Variants in FXYD4 observed in about 807,000 individuals in gnomAD.
The protein encoded by FXYD4 is FXYD domain-containing ion transport regulator 4.
FXYD4 carries 14 observed loss-of-function variants against 18.3 expected under a neutral mutation model. That is an observed-to-expected ratio of 0.77 (90% CI 0.51 to 1.20). The LOEUF (loss-of-function observed/expected upper bound fraction) is 1.20. FXYD4 is among the 50% of genes most tolerant of loss of function. The pLI is 0.00. For synonymous variants in FXYD4, 40 were observed against 40.5 expected, an observed-to-expected ratio of 0.99 and a Z score of 0.04; for missense variants, 99 against 106.1, an observed-to-expected ratio of 0.93 and a Z score of 0.29.
chr10:43,373,342 A>G (rs1247837997), intron 2 of FXYD4, 173 bp from the exon 3 acceptor site: 1 of 174,170 alleles, frequency 5.7e-6, no homozygotes, highest in Non-Finnish European at 1.2e-5. Flanking sequence ...TCTAAGCTCC[A>G]TTTTTTTTTT....
rs1837860708 is a variant in FXYD4, at chr10:43,375,592, G to A, written c.172+19G>A. 1.2e-6 allele frequency: 2 copies of A among 1,611,216 alleles called. No individual in the cohort carries two copies. The highest frequency in any genetic ancestry group is 1.7e-6 in the Non-Finnish European group (2 of 1,177,574). ...GTTCTGAGTGAGTGGCAGGACAGGT[G>A]GGGCTGGAGGACAGGGTGGGGCTGG... On this transcript the variant is annotated intron_variant, in intron 6 of 8. Transcript: ENST00000476166.
chr10:43,375,421 C>A, intron 5 of FXYD4, 78 bp from the exon 6 acceptor site: 1 of 1,087,806 alleles, frequency 9.2e-7, no homozygotes. Context: ...CTGGCACAAG[C>A]AGGGGCTCAG....
chr10:43,376,322 C>T lies in FXYD4; in HGVS notation c.*156C>T. ...AGGCTTCTTTATGAATTAAACTCGCCCCACCACCCCCTCCTCGGTAGTCTT... is the reference window on the plus strand; with the variant it reads ...AGGCTTCTTTATGAATTAAACTCGCTCCACCACCCCCTCCTCGGTAGTCTT... On this transcript the variant is annotated 3_prime_UTR_variant, in exon 9 of 9. Coordinates refer to ENST00000476166, the MANE Select transcript of FXYD4 (RefSeq NM_173160.3). 1.4e-6 allele frequency: 1 copy of T among 713,038 alleles called. No homozygotes were observed. Among genetic ancestry groups the T allele is most frequent in the Non-Finnish European group, 2.4e-6 (1 of 411,906 alleles). 44.2% of individuals were successfully genotyped at this position (713,038 alleles called of 1,614,324 possible).
chr10:43,374,045 G>A lies in FXYD4; in HGVS notation c.37+262G>A, dbSNP rs188510676. On this transcript the variant is annotated intron_variant, in intron 3 of 8. Coordinates refer to ENST00000476166, the MANE Select transcript of FXYD4 (RefSeq NM_173160.3). Reference sequence around the variant, plus strand: ...GAAGACAAAAGCAGGGTGGCACAGCGGCTCAGGCCTGTAATCCCAGTGTTT... The same window carrying A: ...GAAGACAAAAGCAGGGTGGCACAGCAGCTCAGGCCTGTAATCCCAGTGTTT... 8.5e-5 allele frequency among the ~76,000 whole-genome samples: 13 copies of A among 152,312 alleles called. No individual in the cohort carries two copies. In the East Asian group the frequency reaches 1.7e-3, roughly 20 times the overall value.
intron 1 of FXYD4, among the ~76,000 whole-genome samples, chr10:43,372,289 T>C (rs1208604638): frequency 1.3e-5 from 2 of 151,970 alleles, no homozygotes; most frequent in African/African-American, 4.8e-5. Context: ...TGGATGTATT[T>C]ATTTATTTAT....
At chr10:43,373,861 T>G in intron 3 of FXYD4, 78 bp downstream of exon 3, 1 of 934,032 alleles carries the variant, frequency 1.1e-6, no homozygotes, top group Non-Finnish European at 1.8e-6. Flanking sequence ...CAACATCTCC[T>G]TTGGGAGTCT....
chr10:43,374,468 A>T lies in FXYD4; in HGVS notation c.38-2A>T. 1.2e-6 allele frequency: 2 copies of T among 1,614,000 alleles called. No individual in the cohort carries two copies. The highest frequency in any genetic ancestry group is 1.7e-6 in the Non-Finnish European group (2 of 1,179,914). ...CACATTTTCTCTGCTCCTCCCACAC[A>T]GGCCTGACTGCCTTGGAAGCCAATG... On this transcript the variant is annotated splice_acceptor_variant, in intron 3 of 8. Coordinates refer to ENST00000476166, the MANE Select transcript of FXYD4 (RefSeq NM_173160.3). LOFTEE classifies it high-confidence loss of function.
chr10:43,376,089 G>T lies in FXYD4; in HGVS notation c.250+20G>T, dbSNP rs1406749137. On this transcript the variant is annotated intron_variant, in intron 8 of 8. Transcript: ENST00000476166. ...CTCCAGGTGAGACGGGCTTCTGTGG[G>T]CTGAGGGGGTGTCTGTGTAAGGACT... 1.9e-6 allele frequency: 3 copies of T among 1,614,092 alleles called. No individual in the cohort carries two copies. The African/African-American group carries it at 4.0e-5, about 22-fold the overall frequency.
At position 43,376,237 on chromosome 10, in the gene FXYD4, CTTAT is replaced by C; in HGVS notation, c.*72_*75del. 6.5e-7 allele frequency: 1 copy of C among 1,529,012 alleles called. No individual in the cohort carries two copies. The highest frequency in any genetic ancestry group is 9.0e-7 in the Non-Finnish European group (1 of 1,105,212). 94.7% of individuals were successfully genotyped at this position (1,529,012 alleles called of 1,614,324 possible). On this transcript the variant is annotated 3_prime_UTR_variant, in exon 9 of 9. Coordinates refer to ENST00000476166, the MANE Select transcript of FXYD4 (RefSeq NM_173160.3). Reference sequence around the variant, plus strand: ...CCCAGCACCTCCTCCCCTGGGAGGCCTTATCCTCAAGGAAGGACTTCTCTCCAAG... The same window carrying C: ...CCCAGCACCTCCTCCCCTGGGAGGCCCCTCAAGGAAGGACTTCTCTCCAAG...
intron 5 of FXYD4, 140 bp from the exon 6 acceptor site, chr10:43,375,359 G>C (rs1220858658): frequency 6.0e-6 from 4 of 664,576 alleles, no homozygotes; most frequent in Non-Finnish European, 1.1e-5. Context: ...TTCCCCACGA[G>C]ACGCAGAATG....
intron 2 of FXYD4, among the ~76,000 whole-genome samples, chr10:43,373,269 G>T (rs536043457): frequency 7.2e-5 from 11 of 152,134 alleles, no homozygotes; most frequent in Non-Finnish European, 1.2e-4. Context: ...GGGTTAGGAA[G>T]GCAGGCTCCA....
Position 43,375,372 on chromosome 10 carries a change from G to A in FXYD4, c.98-127G>A, listed in dbSNP as rs113807369. 4,496 of 704,172 alleles carry A rather than the reference G, an allele frequency of 6.4e-3. 28 individuals carry two copies. Among genetic ancestry groups the A allele is most frequent in the Non-Finnish European group, 8.5e-3 (3,357 of 395,916 alleles). The allele number at this position is 704,172 out of a possible 1,614,324, so 43.6% of individuals were successfully genotyped here. ...GTTTCCCCACGAGACGCAGAATGAT[G>A]CCTCTGTTGCTGGCTTGTCTTTATG... is the stretch of plus-strand genomic sequence containing the variant. On this transcript the variant is annotated intron_variant, in intron 5 of 8. Transcript: ENST00000476166.
rs368371773 is a variant in FXYD4, at chr10:43,375,952, C to T, written c.213-80C>T. 4.3e-5 allele frequency: 64 copies of T among 1,475,226 alleles called. 2 individuals are homozygous for T. In the East Asian group the frequency reaches 6.6e-4, roughly 15 times the overall value. The allele number at this position is 1,475,226 out of a possible 1,614,324, so 91.4% of individuals were successfully genotyped here. On this transcript the variant is annotated intron_variant, in intron 7 of 8. Coordinates refer to ENST00000476166, the MANE Select transcript of FXYD4 (RefSeq NM_173160.3). Reference sequence around the variant, plus strand: ...GAGCAAGGACTTGCACTCCTGGGGCCGGGCAGCAAGAGTCTGGGATATAGG... The same window carrying T: ...GAGCAAGGACTTGCACTCCTGGGGCTGGGCAGCAAGAGTCTGGGATATAGG...
chr10:43,375,779 C>T (rs978720610), intron 7 of FXYD4, 45 bp downstream of exon 7: 29 of 1,588,328 alleles, frequency 1.8e-5, no homozygotes, highest in Admixed American at 6.7e-5. Context: ...GGCAGAACTA[C>T]GGGGGGACAG....
intron 1 of FXYD4, 82 bp from the exon 2 acceptor site, chr10:43,372,645 G>C (rs951152405): frequency 2.6e-5 from 4 of 152,216 alleles, no homozygotes; most frequent in South Asian, 2.1e-4. Flanking sequence ...ATAGTTCTTA[G>C]GCTTGACAAA....
intron 7 of FXYD4, 136 bp from the exon 8 acceptor site, chr10:43,375,896 C>T (rs1349268433): frequency 5.7e-6 from 7 of 1,221,752 alleles, no homozygotes; most frequent in African/African-American, 1.5e-5. Flanking sequence ...AAGCTCTGAC[C>T]TCGGTATTGT....
intron 5 of FXYD4, among the ~76,000 whole-genome samples, chr10:43,375,258 C>T (rs1393912844): frequency 6.6e-6 from 1 of 151,986 alleles, no homozygotes; most frequent in Non-Finnish European, 1.5e-5. Flanking sequence ...AACTTCTGAC[C>T]TCAGGTGATC....
At position 43,375,554 on chromosome 10, in the gene FXYD4, T is replaced by G; in HGVS notation, c.153T>G (p.Ala51=). The G allele has an allele frequency of 1.9e-6, 3 of 1,613,950 alleles. No individual in the cohort carries two copies. Among genetic ancestry groups the G allele is most frequent in the South Asian group, 2.2e-5 (2 of 91,082 alleles). ...GLICGGLLAI[A]GIAAVLSGKC... ...TCTGCGGAGGGCTCCTGGCCATTGC[T>G]GGGATCGCGGCAGTTCTGAGTGAGT... The change falls in exon 6 of 9, where the codon GCT becomes GCG. Residue 51 remains alanine (A), a synonymous_variant. Coordinates refer to ENST00000476166, the MANE Select transcript of FXYD4 (RefSeq NM_173160.3).
At chr10:43,375,317 G>A (rs1356769522) in intron 5 of FXYD4, among the ~76,000 whole-genome samples, 182 bp from the exon 6 acceptor site, 2 of 151,990 alleles carry the variant, frequency 1.3e-5, no homozygotes, top group East Asian at 1.9e-4. Flanking sequence ...GTGAGCCACC[G>A]CACCCAGCCT....
Sources: gnomAD v4.1 joint callset for allele counts (sites outside exome capture counted in the v4.1 genomes callset) on GRCh38, gnomAD v4.1.1 for gene constraint, MANE v1.5 for transcripts, NCBI Gene and HGNC (gene_info 2026-07-23, HGNC 2026-07-21) for gene names.